The following AARS1 variants were observed in gnomAD, a reference collection of about 807,000 sequenced individuals.
AARS1 encodes the protein alanyl-tRNA synthetase 1.
Under a neutral mutation model 108.9 loss-of-function variants are expected in AARS1, and 72 were observed. The observed-to-expected ratio is 0.66, with a 90% CI of 0.55 to 0.80. The LOEUF is 0.80. Ranked by LOEUF, AARS1 falls within the 30% of genes least tolerant of loss-of-function variation. The pLI, the probability that AARS1 is intolerant of heterozygous loss-of-function variation, is 0.00. For missense variants in AARS1, 1,193 were observed against 1,233.2 expected (o/e 0.97, Z 0.49); for synonymous variants, 489 against 465.7 (o/e 1.05, Z -0.64).
intron 15 of AARS1, among the ~76,000 whole-genome samples, chr16:70,256,459 A>T (rs1597434426): frequency 6.6e-6 from 1 of 151,934 alleles, no homozygotes; most frequent in East Asian, 1.9e-4. Context: ...GCCCGCCACC[A>T]CTCCTAATTT....
At chr16:70,262,941 C>T (rs1434349153) in intron 11 of AARS1, among the ~76,000 whole-genome samples, 4 of 108,930 alleles carry the variant, frequency 3.7e-5, no homozygotes, top group Non-Finnish European at 7.0e-5. Flanking sequence ...CCACTCCAGC[C>T]TGGGTGACAA....
rs1960981653 is a variant in AARS1, at chr16:70,289,436, C to T, written c.-37G>A. ...GGCGGCCTACCTCTCCTAGGGTCGC[C>T]GTCCCCAGCTCCTCCCTCAGAGTCC... On this transcript the variant is annotated 5_prime_UTR_variant, in exon 1 of 21. Coordinates refer to ENST00000261772, the MANE Select transcript of AARS1 (RefSeq NM_001605.3). The T allele has an allele frequency of 2.5e-6, 1 of 404,604 alleles. No homozygotes were observed. Among genetic ancestry groups the T allele is most frequent in the Non-Finnish European group, 5.0e-6 (1 of 201,030 alleles). The allele number at this position is 404,604 out of a possible 1,614,324, so 25.1% of individuals were successfully genotyped here.
At chr16:70,255,674 C>A in intron 16 of AARS1, 54 bp downstream of exon 16, 1 of 1,507,814 alleles carries the variant, frequency 6.6e-7, no homozygotes, top group African/African-American at 1.4e-5. Flanking sequence ...GATTCGCAGA[C>A]TGGGCTCCTC....
At chr16:70,258,939 C>T (rs373963866) in intron 14 of AARS1, 41 bp downstream of exon 14, 67 of 1,579,854 alleles carry the variant, frequency 4.2e-5, no homozygotes, top group South Asian at 8.9e-5. Context: ...CAGACAGTGA[C>T]GGTGTGGGGA....
chr16:70,282,665 T>A lies in AARS1; in HGVS notation c.99A>T (p.Pro33=). The A allele has an allele frequency of 1.2e-6, 2 of 1,614,176 alleles. No homozygotes were observed. The change falls in exon 2 of 21, where the codon CCA becomes CCT. Residue 33 remains proline (P), a synonymous_variant. Transcript: ENST00000261772. ...CAAAGAGCAAAGTGGGGTCATCCAA[T>A]GGGATGGTGGCAGACGAGTGAACAT... is the stretch of plus-strand genomic sequence containing the variant. ...HTYVHSSATI[P]LDDPTLLFAN...
intron 11 of AARS1, among the ~76,000 whole-genome samples, chr16:70,264,264 T>C (rs1567605327): frequency 6.6e-6 from 1 of 151,670 alleles, no homozygotes; most frequent in Non-Finnish European, 1.5e-5. Context: ...AAAAGAATGC[T>C]ATTAGGATAA....
chr16:70,253,478 C>T (rs1567600808), intron 19 of AARS1, 97 bp from the exon 20 acceptor site: 2 of 1,136,848 alleles, frequency 1.8e-6, no homozygotes, highest in South Asian at 2.6e-5. Context: ...CCCACCCCTA[C>T]CCCTTCCCAG....
At chr16:70,265,965 T>A (rs943906542) in intron 9 of AARS1, among the ~76,000 whole-genome samples, 2 of 151,800 alleles carry the variant, frequency 1.3e-5, no homozygotes, top group African/African-American at 4.8e-5. Context: ...GATCATGAGG[T>A]CAGGAGATTG....
At chr16:70,259,997 C>A (rs903312116) in intron 13 of AARS1, among the ~76,000 whole-genome samples, 8 of 152,158 alleles carry the variant, frequency 5.3e-5, no homozygotes, top group African/African-American at 1.9e-4. Context: ...GTCTCGAACT[C>A]CCGACCTCAG....
rs1003784800 is a variant in AARS1, at chr16:70,289,407, C to T, written c.-22+14G>A. ...GCTCTCCTAGCACCGCAGAGCTCTC[C>T]GAGGGCGGCCTACCTCTCCTAGGGT... is the stretch of plus-strand genomic sequence containing the variant. On this transcript the variant is annotated intron_variant, in intron 1 of 20. Transcript: ENST00000261772. 5.2e-6 allele frequency: 2 copies of T among 382,228 alleles called. No homozygotes were observed. Among genetic ancestry groups the T allele is most frequent in the Non-Finnish European group, 1.0e-5 (2 of 190,598 alleles). 23.7% of individuals were successfully genotyped at this position (382,228 alleles called of 1,614,324 possible). A position where few individuals can be genotyped will look rare whatever the true frequency, so the allele number is the denominator to read the frequency against.
intron 10 of AARS1, 89 bp from the exon 11 acceptor site, chr16:70,265,191 T>C (rs1247828824): frequency 5.9e-6 from 9 of 1,518,676 alleles, no homozygotes; most frequent in Non-Finnish European, 8.2e-6. Flanking sequence ...ATGCCCAGCA[T>C]AAACTGCCAG....
At chr16:70,271,442 C>T (rs1400846229) in intron 5 of AARS1, among the ~76,000 whole-genome samples, 3 of 151,838 alleles carry the variant, frequency 2.0e-5, no homozygotes, top group Non-Finnish European at 2.9e-5. Context: ...GCAGGAGAAT[C>T]GCTTGAACCC....
At chr16:70,279,417 T>C (rs1298372172) in intron 2 of AARS1, among the ~76,000 whole-genome samples, 5 of 147,980 alleles carry the variant, frequency 3.4e-5, no homozygotes, top group Non-Finnish European at 5.9e-5. Flanking sequence ...CCCAGCACTT[T>C]GGGAGGCCGA....
At chr16:70,263,466 G>T (rs113902056) in intron 11 of AARS1, among the ~76,000 whole-genome samples, 3 of 151,844 alleles carry the variant, frequency 2.0e-5, no homozygotes, top group African/African-American at 7.3e-5. Context: ...AGTTAATTGG[G>T]AGGCTGAGGC....
chr16:70,280,538 C>A (rs1161632427), intron 2 of AARS1, among the ~76,000 whole-genome samples: 1 of 152,094 alleles, frequency 6.6e-6, no homozygotes, highest in Non-Finnish European at 1.5e-5. Flanking sequence ...CTTTCCATGC[C>A]AGAAAAGACA....
At chr16:70,280,172 C>A (rs1354860187) in intron 2 of AARS1, among the ~76,000 whole-genome samples, 1 of 152,178 alleles carries the variant, frequency 6.6e-6, no homozygotes, top group East Asian at 1.9e-4. Flanking sequence ...TTACTTTGGC[C>A]TCCCAAAATG....
chr16:70,271,723 G>C, intron 5 of AARS1, 58 bp downstream of exon 5: 2 of 1,549,366 alleles, frequency 1.3e-6, no homozygotes, highest in Non-Finnish European at 1.8e-6. Context: ...ACACAGCTCC[G>C]AGTTCCTCCT....
chr16:70,258,948 G>T, intron 14 of AARS1, 32 bp downstream of exon 14: 2 of 1,596,754 alleles, frequency 1.3e-6, no homozygotes, highest in Non-Finnish European at 1.7e-6. Flanking sequence ...ACGGTGTGGG[G>T]AGGGGGGGCA....
chr16:70,279,215 T>TG lies in AARS1; in HGVS notation c.145-2062dup, dbSNP rs374458655. Among the ~76,000 whole-genome samples, 601 of 149,172 alleles carry TG rather than the reference T, an allele frequency of 4.0e-3. 10 individuals carry two copies. The highest frequency in any genetic ancestry group is 0.014 in the African/African-American group (556 of 40,428). On this transcript the variant is annotated intron_variant, in intron 2 of 20. Coordinates refer to ENST00000261772, the MANE Select transcript of AARS1 (RefSeq NM_001605.3). ...AAATATAAAAATTAGACAGGCATGG[T>TG]GGGGGGGTGCCTGTAGTCCCAGCTA...
Sources: gnomAD v4.1 joint callset for allele counts (sites outside exome capture counted in the v4.1 genomes callset) on GRCh38, gnomAD v4.1.1 for gene constraint, MANE v1.5 for transcripts, NCBI Gene and HGNC (gene_info 2026-07-23, HGNC 2026-07-21) for gene names.